Variants in RGS7 observed in about 807,000 individuals in gnomAD.
The protein encoded by RGS7 is regulator of G-protein signaling 7.
Under a neutral mutation model 81.1 loss-of-function variants are expected in RGS7, and 27 were observed. That is an observed-to-expected ratio of 0.33 (90% CI 0.25 to 0.46). RGS7 has a LOEUF of 0.46. RGS7 is among the 20% of genes least tolerant of loss of function. The pLI is 1.00. For synonymous variants in RGS7, 208 were observed against 207.7 expected (o/e 1.00, Z -0.01); for missense variants, 396 against 607.4 (o/e 0.65, Z 3.66).
At chr1:240,874,324 T>C in intron 6 of RGS7, among the ~76,000 whole-genome samples, 1 of 152,132 alleles carries the variant, frequency 6.6e-6, no homozygotes, top group South Asian at 2.1e-4. Context: ...GAAGTGTGAG[T>C]GGCTTCTTTC....
intron 3 of RGS7, among the ~76,000 whole-genome samples, chr1:241,097,224 G>A (rs1266170243): frequency 6.6e-6 from 1 of 151,916 alleles, no homozygotes; most frequent in African/African-American, 2.4e-5. Flanking sequence ...TGGCCTGTAA[G>A]TGGGACGGTG....
intron 6 of RGS7, among the ~76,000 whole-genome samples, chr1:240,874,110 C>G (rs1664950436): frequency 6.6e-6 from 1 of 152,168 alleles, no homozygotes; most frequent in Admixed American, 6.5e-5. Flanking sequence ...CACAGCAAGA[C>G]AGTGCCGACT....
rs935858363 is a variant in RGS7 at position 240,994,210 on chromosome 1, CA to C, written c.176-11082del. Among the ~76,000 whole-genome samples the C allele has an allele frequency of 8.7e-4, 132 of 152,224 alleles. 1 individual carries two copies. The highest frequency in any genetic ancestry group is 2.8e-3 in the African/African-American group (118 of 41,538). ...AATCTTAGAATTATCTCTATATCTA[CA>C]AAAAAATCTTGCTGGGGTTTTGAAA... is the stretch of plus-strand genomic sequence containing the variant. On this transcript the variant is annotated intron_variant, in intron 3 of 18. Coordinates refer to ENST00000440928, the MANE Select transcript of RGS7 (RefSeq NM_001364886.1).
intron 2 of RGS7, among the ~76,000 whole-genome samples, chr1:241,308,875 T>C (rs1384862219): frequency 6.6e-6 from 1 of 152,172 alleles, no homozygotes; most frequent in Admixed American, 6.5e-5. Context: ...TTTAAAAAAT[T>C]GCAGGAACTC....
At chr1:241,198,512 T>C (rs952607359) in intron 2 of RGS7, among the ~76,000 whole-genome samples, 2 of 152,074 alleles carry the variant, frequency 1.3e-5, no homozygotes, top group East Asian at 1.9e-4. Context: ...ACAGCTCACA[T>C]AGGCATTAAA....
At chr1:240,966,873 A>C (rs1270695718) in intron 4 of RGS7, among the ~76,000 whole-genome samples, 1 of 152,244 alleles carries the variant, frequency 6.6e-6, no homozygotes, top group Non-Finnish European at 1.5e-5. Context: ...TATGCAAGAT[A>C]AAACAATCTA....
intron 4 of RGS7, among the ~76,000 whole-genome samples, chr1:240,945,033 G>A (rs1182639330): frequency 5.3e-5 from 8 of 152,186 alleles, no homozygotes; most frequent in Non-Finnish European, 1.0e-4. Flanking sequence ...TCTTAGAGCT[G>A]GCATCTGTAA....
intron 6 of RGS7, among the ~76,000 whole-genome samples, chr1:240,898,979 C>T (rs1669537076): frequency 1.3e-5 from 2 of 152,112 alleles, no homozygotes; most frequent in Admixed American, 1.3e-4. Context: ...GTATTGGGTG[C>T]ATATATATTT....
At chr1:241,317,504 A>G (rs533847545) in intron 2 of RGS7, among the ~76,000 whole-genome samples, 12 of 152,178 alleles carry the variant, frequency 7.9e-5, no homozygotes, top group African/African-American at 2.9e-4. Flanking sequence ...ACGTCTCCCT[A>G]TGTGCACAAA....
chr1:240,809,589 T>C (rs1257261614), intron 14 of RGS7, among the ~76,000 whole-genome samples: 1 of 152,174 alleles, frequency 6.6e-6, no homozygotes, highest in East Asian at 1.9e-4. Context: ...CCACACTTTC[T>C]CGGCTTAACC....
chr1:241,274,273 T>G (rs1454932023), intron 2 of RGS7, among the ~76,000 whole-genome samples: 1 of 152,218 alleles, frequency 6.6e-6, no homozygotes, highest in African/African-American at 2.4e-5. Context: ...TGGTAGTCAC[T>G]CAATAAATTT....
rs12737203 is a variant in RGS7, at chr1:241,008,635, G to A, written c.176-25506C>T. Among the ~76,000 whole-genome samples the A allele has an allele frequency of 3.1e-3, 470 of 152,146 alleles. 1 individual carries two copies. Among genetic ancestry groups the A allele is most frequent in the Non-Finnish European group, 5.1e-3 (344 of 68,020 alleles). ...TTTTCAGCCTTAATGGAATGTGGCC[G>A]TGTGCAGAGGCTCACATCTGTAAAC... On this transcript the variant is annotated intron_variant, in intron 3 of 18. Transcript: ENST00000440928.
At chr1:240,801,869 G>GA (rs767263179) in intron 16 of RGS7, among the ~76,000 whole-genome samples, 48 of 152,192 alleles carry the variant, frequency 3.2e-4, no homozygotes, top group Admixed American at 5.2e-4. Context: ...ACTTTTATGA[G>GA]AAAAAATTCC....
intron 6 of RGS7, among the ~76,000 whole-genome samples, chr1:240,880,615 C>T (rs1446531454): frequency 1.3e-5 from 2 of 152,140 alleles, no homozygotes; most frequent in Non-Finnish European, 1.5e-5. Flanking sequence ...TCCTCTGGTG[C>T]CACGCTCATG....
intron 2 of RGS7, among the ~76,000 whole-genome samples, chr1:241,235,516 CCAA>C (rs2075881441): frequency 1.3e-5 from 2 of 152,182 alleles, no homozygotes; most frequent in Non-Finnish European, 2.9e-5. Flanking sequence ...TGAATAAACT[CCAA>C]CAACGGTTAT....
intron 3 of RGS7, among the ~76,000 whole-genome samples, chr1:241,069,591 C>T (rs1000001889): frequency 3.9e-5 from 6 of 152,056 alleles, no homozygotes; most frequent in Admixed American, 6.6e-5. Flanking sequence ...TAGTATAACA[C>T]GCTTCTCATT....
At chr1:241,161,360 T>C (rs61833765) in intron 2 of RGS7, among the ~76,000 whole-genome samples, 18,466 of 151,914 alleles carry the variant, frequency 0.12, 1,238 homozygotes, top group Middle Eastern at 0.18. Flanking sequence ...TTTTAAGAGA[T>C]AATTAAAACT....
intron 9 of RGS7, among the ~76,000 whole-genome samples, chr1:240,859,172 T>C (rs1437601304): frequency 6.6e-6 from 1 of 151,964 alleles, no homozygotes; most frequent in Non-Finnish European, 1.5e-5. Context: ...ATTTACTGTT[T>C]TTTAAATTTT....
intron 6 of RGS7, among the ~76,000 whole-genome samples, chr1:240,899,990 A>G (rs1266761363): frequency 6.6e-6 from 1 of 151,554 alleles, no homozygotes; most frequent in East Asian, 1.9e-4. Context: ...ATTTCTTTAT[A>G]CTCTTTTTTC....
Sources: gnomAD v4.1 joint callset for allele counts (sites outside exome capture counted in the v4.1 genomes callset) on GRCh38, gnomAD v4.1.1 for gene constraint, MANE v1.5 for transcripts, NCBI Gene and HGNC (gene_info 2026-07-23, HGNC 2026-07-21) for gene names.